The following CTIF variants were observed in gnomAD, a reference collection of about 807,000 sequenced individuals.
CTIF encodes the protein CBP80/20-dependent translation initiation factor.
In CTIF, 21 loss-of-function variants were observed where a neutral mutation model predicts 66.0. The observed-to-expected ratio is 0.32, with a 90% CI of 0.23 to 0.46. The LOEUF (loss-of-function observed/expected upper bound fraction) is 0.46. Ranked by LOEUF, CTIF falls within the 20% of genes least tolerant of loss-of-function variation. The pLI is 1.00. For synonymous variants in CTIF, 345 were observed against 326.4 expected, an observed-to-expected ratio of 1.06 and a Z score of -0.62; for missense variants, 739 against 812.7, an observed-to-expected ratio of 0.91 and a Z score of 1.10.
chr18:48,841,399 G>C (rs1173963212), intron 10 of CTIF, among the ~76,000 whole-genome samples: 1 of 152,212 alleles, frequency 6.6e-6, no homozygotes, highest in East Asian at 1.9e-4. Flanking sequence ...TCTCTGCCTA[G>C]GGCAGCGCCC....
intron 2 of CTIF, among the ~76,000 whole-genome samples, chr18:48,635,774 A>G (rs1418633193): frequency 1.3e-5 from 2 of 152,204 alleles, no homozygotes; most frequent in Admixed American, 6.5e-5. Context: ...CTGCTACTGC[A>G]TTGTATCTAT....
intron 3 of CTIF, among the ~76,000 whole-genome samples, chr18:48,656,926 G>C (rs2091255755): frequency 6.6e-6 from 1 of 152,188 alleles, no homozygotes; most frequent in Non-Finnish European, 1.5e-5. Context: ...GGCCACTGAG[G>C]TTTTGATGGG....
At chr18:48,734,868 T>C (rs1325476240) in intron 7 of CTIF, among the ~76,000 whole-genome samples, 1 of 152,190 alleles carries the variant, frequency 6.6e-6, no homozygotes, top group Non-Finnish European at 1.5e-5. Context: ...CCCGTCTAGT[T>C]GGAGTGAGGT....
intron 3 of CTIF, among the ~76,000 whole-genome samples, chr18:48,655,746 A>G (rs907662586): frequency 1.3e-5 from 2 of 152,106 alleles, no homozygotes; most frequent in African/African-American, 2.4e-5. Flanking sequence ...TGCTAGGGAA[A>G]TCCACACCAG....
chr18:48,592,512 A>G (rs1299927832), intron 1 of CTIF, among the ~76,000 whole-genome samples: 18 of 150,018 alleles, frequency 1.2e-4, no homozygotes, highest in African/African-American at 4.0e-4. Context: ...AAAAAAAAAA[A>G]AGAAAAAGAA....
At chr18:48,707,553 T>G (rs572745810) in intron 6 of CTIF, among the ~76,000 whole-genome samples, 5 of 148,518 alleles carry the variant, frequency 3.4e-5, no homozygotes, top group Admixed American at 3.3e-4. Context: ...TGTCCTCCTC[T>G]TCTTCTTCTT....
intron 9 of CTIF, among the ~76,000 whole-genome samples, chr18:48,772,120 G>A (rs544299450): frequency 2.6e-5 from 4 of 152,182 alleles, no homozygotes; most frequent in Non-Finnish European, 4.4e-5. Flanking sequence ...GTTATCTGAG[G>A]TCCTCCTCTG....
intron 6 of CTIF, among the ~76,000 whole-genome samples, chr18:48,707,826 G>T (rs1375083774): frequency 2.0e-5 from 3 of 152,174 alleles, no homozygotes; most frequent in Non-Finnish European, 4.4e-5. Context: ...CTGGAACGTT[G>T]TTATCACCAC....
chr18:48,688,151 C>G (rs2091872598), intron 6 of CTIF: 1 of 152,232 alleles, frequency 6.6e-6, no homozygotes, highest in South Asian at 2.1e-4. Context: ...AGAGCTTAGT[C>G]TGGTTGAGGC....
chr18:48,576,617 G>A (rs988323463), intron 1 of CTIF, among the ~76,000 whole-genome samples: 3 of 152,212 alleles, frequency 2.0e-5, no homozygotes, highest in Non-Finnish European at 2.9e-5. Context: ...CAGCCGGGGC[G>A]TAACCGTTTA....
intron 1 of CTIF, among the ~76,000 whole-genome samples, chr18:48,543,366 G>C (rs1599114615): frequency 6.6e-6 from 1 of 152,184 alleles, no homozygotes; most frequent in Non-Finnish European, 1.5e-5. Context: ...GGCTTGGCAG[G>C]GGGAGGGGGC....
At chr18:48,631,597 T>C (rs2090714558) in intron 2 of CTIF, among the ~76,000 whole-genome samples, 1 of 152,238 alleles carries the variant, frequency 6.6e-6, no homozygotes, top group South Asian at 2.1e-4. Flanking sequence ...CACATCTATT[T>C]TGAGTGGAGA....
At chr18:48,681,408 G>A (rs978645424) in intron 6 of CTIF, among the ~76,000 whole-genome samples, 6 of 151,932 alleles carry the variant, frequency 3.9e-5, no homozygotes, top group East Asian at 3.9e-4. Context: ...CCAGAGTGGG[G>A]CCCCCAGCTG....
At chr18:48,748,189 G>A (rs1454539087) in intron 7 of CTIF, among the ~76,000 whole-genome samples, 6 of 152,082 alleles carry the variant, frequency 3.9e-5, no homozygotes, top group Non-Finnish European at 7.4e-5. Flanking sequence ...GCATAGGGGC[G>A]AGACGGGGGT....
chr18:48,623,397 G>A (rs966304806), intron 2 of CTIF, among the ~76,000 whole-genome samples: 1 of 152,170 alleles, frequency 6.6e-6, no homozygotes, highest in African/African-American at 2.4e-5. Context: ...ACACACACCT[G>A]GGGTACCGAC....
chr18:48,677,400 T>G (rs1568126971), intron 6 of CTIF, among the ~76,000 whole-genome samples: 5 of 152,228 alleles, frequency 3.3e-5, no homozygotes, highest in Non-Finnish European at 7.3e-5. Context: ...GGCTGGTACC[T>G]GTCCCATAGA....
At chr18:48,794,646 G>A (rs1035648429) in intron 9 of CTIF, among the ~76,000 whole-genome samples, 3 of 152,176 alleles carry the variant, frequency 2.0e-5, no homozygotes, top group Admixed American at 2.0e-4. Flanking sequence ...TTAAAAATAG[G>A]ACAGCTTTAC....
chr18:48,841,967 A>G (rs2146548583), intron 10 of CTIF, among the ~76,000 whole-genome samples: 2 of 152,168 alleles, frequency 1.3e-5, no homozygotes, highest in Middle Eastern at 3.4e-3. Context: ...GCCCCTACCT[A>G]CTGGAAGGTG....
chr18:48,633,945 T>C (rs1329094739), intron 2 of CTIF, among the ~76,000 whole-genome samples: 1 of 152,180 alleles, frequency 6.6e-6, no homozygotes, highest in Admixed American at 6.5e-5. Context: ...GAAATTAACA[T>C]TGGTACAATG....
Sources: gnomAD v4.1 joint callset for allele counts (sites outside exome capture counted in the v4.1 genomes callset) on GRCh38, gnomAD v4.1.1 for gene constraint, MANE v1.5 for transcripts, NCBI Gene and HGNC (gene_info 2026-07-23, HGNC 2026-07-21) for gene names.